Variants in MR1 observed in about 807,000 individuals in gnomAD.
MR1 encodes major histocompatibility complex class I-related protein 1.
Under a neutral mutation model 37.8 loss-of-function variants are expected in MR1, and 44 were observed. The observed-to-expected ratio is 1.16, with a 90% CI of 0.91 to 1.50. MR1 has a LOEUF of 1.50. MR1 is among the 40% of genes most tolerant of loss of function. The pLI is 0.00. For synonymous variants in MR1, 153 were observed against 155.8 expected (o/e 0.98, Z 0.13); for missense variants, 386 against 419.1 (o/e 0.92, Z 0.69).
At chr1:181,036,962 C>A (rs1657305994) in intron 1 of MR1, 1 of 152,214 alleles carries the variant, frequency 6.6e-6, no homozygotes, top group African/African-American at 2.4e-5. Flanking sequence ...AAAGGTGTTT[C>A]ATGCTTTTAC....
chr1:181,049,971 T>G (rs1296960705), intron 2 of MR1, 40 bp from the exon 3 acceptor site: 1 of 1,591,840 alleles, frequency 6.3e-7, no homozygotes, highest in South Asian at 1.1e-5. Context: ...CCCACCTCTG[T>G]CTCTGTGTGG....
intron 1 of MR1, among the ~76,000 whole-genome samples, chr1:181,038,749 CT>C (rs769198990): frequency 2.0e-5 from 3 of 152,338 alleles, no homozygotes; most frequent in Non-Finnish European, 4.4e-5. Flanking sequence ...TTCCTGGTTC[CT>C]TCACTTATGG....
chr1:181,054,976 GAAAC>G lies in MR1; in HGVS notation c.986-241_986-238del, dbSNP rs141090129. On this transcript the variant is annotated intron_variant, in intron 5 of 5. Transcript: ENST00000367580. Reference sequence around the variant, plus strand: ...TAATCCTAATCCAATAAATGATAGTGAAACAAACAAAAAATTTTTTTACAATGAC... The same window carrying G: ...TAATCCTAATCCAATAAATGATAGTGAAACAAAAAATTTTTTTACAATGAC... Among the ~76,000 whole-genome samples, 261 of 152,252 alleles carry G rather than the reference GAAAC, an allele frequency of 1.7e-3. 2 individuals carry two copies. The highest frequency in any genetic ancestry group is 5.9e-3 in the African/African-American group (243 of 41,538).
Position 181,049,050 on chromosome 1 carries a change from A to G in MR1, c.68-2A>G. The G allele has an allele frequency of 5.0e-6, 8 of 1,612,778 alleles. No individual in the cohort carries two copies. The highest frequency in any genetic ancestry group is 6.8e-6 in the Non-Finnish European group (8 of 1,179,082). On this transcript the variant is annotated splice_acceptor_variant, in intron 1 of 5. Coordinates refer to ENST00000367580, the MANE Select transcript of MR1 (RefSeq NM_001385161.1). LOFTEE classifies it high-confidence loss of function. ...TGTCTTCCTTCTTTGCCTCCTTTCC[A>G]GGGACGCACTCTCTGAGATATTTTC... is the stretch of plus-strand genomic sequence containing the variant.
rs1322957299 is a variant in MR1, at chr1:181,060,052, G to T, written c.*4787G>T. 1.3e-5 allele frequency: 2 copies of T among 152,174 alleles called. No homozygotes were observed. The highest frequency in any genetic ancestry group is 2.9e-5 in the Non-Finnish European group (2 of 68,038). 9.4% of individuals were successfully genotyped at this position (152,174 alleles called of 1,614,324 possible). ...AAATTTATTGTTTCACAGTTCTGGA[G>T]GCCAGAAGTTCAAAATGAAGTGTTG... On this transcript the variant is annotated 3_prime_UTR_variant, in exon 6 of 6. Transcript: ENST00000367580.
At chr1:181,043,300 G>C (rs1657666076) in intron 1 of MR1, among the ~76,000 whole-genome samples, 1 of 152,230 alleles carries the variant, frequency 6.6e-6, no homozygotes, top group African/African-American at 2.4e-5. Flanking sequence ...CCTCCATCCT[G>C]TTCAGTATTG....
At position 181,058,214 on chromosome 1, in the gene MR1, T is replaced by G. The variant is rs1658715510; in HGVS notation, c.*2949T>G. 6.6e-6 allele frequency: 1 copy of G among 152,168 alleles called. No homozygotes were observed. Among genetic ancestry groups the G allele is most frequent in the Admixed American group, 6.6e-5 (1 of 15,262 alleles). The allele number at this position is 152,168 out of a possible 1,614,324, so 9.4% of individuals were successfully genotyped here. On this transcript the variant is annotated 3_prime_UTR_variant, in exon 6 of 6. Coordinates refer to ENST00000367580, the MANE Select transcript of MR1 (RefSeq NM_001385161.1). ...GATCTAAACATTAAAAACAAATAAC[T>G]GTGCTATTGCCACAGCTATGTTTTG...
intron 5 of MR1, 103 bp downstream of exon 5, chr1:181,053,780 TG>T (rs1453386618): frequency 1.2e-6 from 1 of 848,784 alleles, no homozygotes; most frequent in Non-Finnish European, 1.9e-6. Flanking sequence ...AGAAATGGCT[TG>T]GCTCTCAGGC....
intron 1 of MR1, among the ~76,000 whole-genome samples, chr1:181,044,224 A>G (rs1031845596): frequency 6.6e-6 from 1 of 152,014 alleles, no homozygotes; most frequent in East Asian, 1.9e-4. Flanking sequence ...CGGCCTCCCA[A>G]AGTGCTGGGA....
chr1:181,055,116 C>A, intron 5 of MR1, 109 bp from the exon 6 acceptor site: 3 of 976,732 alleles, frequency 3.1e-6, no homozygotes, highest in Non-Finnish European at 3.3e-6. Flanking sequence ...ACAAAGCAAG[C>A]TAAAACTGTC....
In MR1 at chr1:181,058,061, C is replaced by T. The variant is rs1438929278; in HGVS notation, c.*2796C>T. ...GTAATACCTAAAATTCTGCAACCTT[C>T]ATTTTACTATAGATGGTTGAAGATT... On this transcript the variant is annotated 3_prime_UTR_variant, in exon 6 of 6. Coordinates refer to ENST00000367580, the MANE Select transcript of MR1 (RefSeq NM_001385161.1). 1 of 152,224 alleles carries T rather than the reference C, an allele frequency of 6.6e-6. No homozygotes were observed. Among genetic ancestry groups the T allele is most frequent in the Non-Finnish European group, 1.5e-5 (1 of 68,044 alleles). The allele number at this position is 152,224 out of a possible 1,614,324, so 9.4% of individuals were successfully genotyped here.
chr1:181,039,027 AC>A (rs1201369271), intron 1 of MR1, among the ~76,000 whole-genome samples: 1 of 149,268 alleles, frequency 6.7e-6, no homozygotes, highest in Non-Finnish European at 1.5e-5. Flanking sequence ...CTGGTCTTGA[AC>A]TCCTGACCTC....
chr1:181,035,743 G>A (rs1452739422), intron 1 of MR1, among the ~76,000 whole-genome samples: 4 of 152,142 alleles, frequency 2.6e-5, no homozygotes, highest in Admixed American at 1.3e-4. Flanking sequence ...GAGTGACCAC[G>A]CTCACATAAG....
At position 181,060,637 on chromosome 1, in the gene MR1, A is replaced by G. The variant is rs1658856220; in HGVS notation, c.*5372A>G. ...GCAAATGTTCTTCCTTTAAATCACA[A>G]CACTTAGTTCTCTTCCATTTATAAG... On this transcript the variant is annotated 3_prime_UTR_variant, in exon 6 of 6. Coordinates refer to ENST00000367580, the MANE Select transcript of MR1 (RefSeq NM_001385161.1). 1 of 152,190 alleles carries G rather than the reference A, an allele frequency of 6.6e-6. No homozygotes were observed. The highest frequency in any genetic ancestry group is 1.5e-5 in the Non-Finnish European group (1 of 68,062). The allele number at this position is 152,190 out of a possible 1,614,324, so 9.4% of individuals were successfully genotyped here. A position where few individuals can be genotyped will look rare whatever the true frequency, so the allele number is the denominator to read the frequency against.
At chr1:181,051,210 T>C (rs1251390228) in intron 3 of MR1, 3 of 150,388 alleles carry the variant, frequency 2.0e-5, no homozygotes, top group Middle Eastern at 3.5e-3. Flanking sequence ...ACATTCAGTG[T>C]CCTAATGGAT....
upstream of MR1, chr1:181,033,779 G>A (rs536815080): frequency 4.0e-5 from 18 of 452,864 alleles, no homozygotes; most frequent in African/African-American, 3.0e-4. Context: ...GGAATAGGGT[G>A]AAGATAGATA....
intron 1 of MR1, among the ~76,000 whole-genome samples, chr1:181,043,841 T>C (rs1011626674): frequency 2.0e-5 from 3 of 151,844 alleles, no homozygotes; most frequent in Admixed American, 2.0e-4. Context: ...TTCTGAAAGA[T>C]AACCTGCACA....
chr1:181,033,489 T>A (rs1421150144), upstream of MR1: 1 of 152,518 alleles, frequency 6.6e-6, no homozygotes, highest in Non-Finnish European at 1.5e-5. Flanking sequence ...CTTATTGTGC[T>A]GGGTGCTAGA....
At chr1:181,048,550 C>T (rs1176347897) in intron 1 of MR1, among the ~76,000 whole-genome samples, 1 of 151,232 alleles carries the variant, frequency 6.6e-6, no homozygotes, top group South Asian at 2.1e-4. Flanking sequence ...AAAAAAAATG[C>T]TCAGTGCATG....
Sources: gnomAD v4.1 joint callset for allele counts (sites outside exome capture counted in the v4.1 genomes callset) on GRCh38, gnomAD v4.1.1 for gene constraint, MANE v1.5 for transcripts, NCBI Gene and HGNC (gene_info 2026-07-23, HGNC 2026-07-21) for gene names.